OR56A3: variants seen among roughly 807,000 people sequenced by gnomAD.
OR56A3 encodes the protein olfactory receptor 56A3.
OR56A3 carries 23 observed loss-of-function variants against 17.5 expected under a neutral mutation model. The observed-to-expected ratio is 1.32, with a 90% CI of 0.95 to 1.87. The LOEUF (loss-of-function observed/expected upper bound fraction) is 1.87. Ranked by LOEUF, OR56A3 falls within the 40% of genes most tolerant of loss-of-function variation. The probability of loss-of-function intolerance (pLI) is 0.00; values close to 1 mark genes in which losing one functional copy is unlikely to be tolerated. For synonymous variants in OR56A3, 175 were observed against 150.6 expected, an observed-to-expected ratio of 1.16 and a Z score of -1.19; for missense variants, 366 against 380.1, an observed-to-expected ratio of 0.96 and a Z score of 0.31.
the OR56A3 span, chr11:5,967,423 A>T: frequency 1.5e-6 from 1 of 679,378 alleles, no homozygotes; most frequent in Non-Finnish European, 2.5e-6. Flanking sequence ...CCTATAATCA[A>T]TTGAAACACT....
chr11:5,947,256 G>A, intron 2 of OR56A3, 55 bp from the exon 3 acceptor site: 2 of 1,191,224 alleles, frequency 1.7e-6, no homozygotes, highest in South Asian at 1.5e-5. Context: ...CAAACAAATT[G>A]TGCTATCTTT....
At chr11:5,967,674 TC>T in the OR56A3 span, 1 of 1,613,876 alleles carries the variant, frequency 6.2e-7, no homozygotes, top group South Asian at 1.1e-5. Context: ...GATGGGGACA[TC>T]CGGAGGAATT....
At chr11:5,970,202 T>G in the OR56A3 span, among the ~76,000 whole-genome samples, 2 of 152,174 alleles carry the variant, frequency 1.3e-5, no homozygotes, top group African/African-American at 2.4e-5. Context: ...ACATAACATA[T>G]AGTTCAAACC....
At chr11:5,952,974 G>C (rs1329132235), downstream of OR56A3, among the ~76,000 whole-genome samples, 1 of 152,156 alleles carries the variant, frequency 6.6e-6, no homozygotes. Context: ...TTGCTGCAAA[G>C]GACAAGATTT....
the OR56A3 span, among the ~76,000 whole-genome samples, chr11:5,958,398 G>A: frequency 1.3e-5 from 2 of 152,080 alleles, no homozygotes; most frequent in Non-Finnish European, 2.9e-5. Context: ...ATGGAGTAGG[G>A]CTGTTACCTC....
intron 2 of OR56A3, among the ~76,000 whole-genome samples, chr11:5,946,851 A>C (rs1847872865): frequency 6.6e-6 from 1 of 152,250 alleles, no homozygotes; most frequent in African/African-American, 2.4e-5. Context: ...TCATGGGGAC[A>C]TGGGGACTAG....
chr11:6,003,106 C>T, the OR56A3 span: 1 of 1,601,684 alleles, frequency 6.2e-7, no homozygotes, highest in South Asian at 1.1e-5. Flanking sequence ...CCACTGAGGC[C>T]CTGTATCTGT....
the OR56A3 span, among the ~76,000 whole-genome samples, chr11:6,005,236 T>A: frequency 6.6e-6 from 1 of 152,042 alleles, no homozygotes; most frequent in Admixed American, 6.6e-5. Context: ...GGTCAAAAGA[T>A]GCAACAAGCT....
the OR56A3 span, among the ~76,000 whole-genome samples, chr11:5,974,758 C>T: frequency 6.6e-6 from 1 of 152,172 alleles, no homozygotes. Context: ...GGACAAATCA[C>T]TTTACCTCTC....
At chr11:5,971,611 G>A in the OR56A3 span, among the ~76,000 whole-genome samples, 3 of 152,154 alleles carry the variant, frequency 2.0e-5, no homozygotes, top group East Asian at 1.9e-4. Flanking sequence ...GAGAAAAAGC[G>A]GTTAGATACC....
chr11:5,959,829 T>C, the OR56A3 span, among the ~76,000 whole-genome samples: 1 of 152,206 alleles, frequency 6.6e-6, no homozygotes. Flanking sequence ...TAGTTTATTT[T>C]GAGCTGAATT....
chr11:6,017,063 C>T, the OR56A3 span: 1 of 151,844 alleles, frequency 6.6e-6, no homozygotes, highest in Non-Finnish European at 1.5e-5. Flanking sequence ...AGGGTCAGGC[C>T]TGGTTAGTAC....
chr11:5,954,131 CTCTT>C (rs1391554897), downstream of OR56A3, among the ~76,000 whole-genome samples: 1 of 152,162 alleles, frequency 6.6e-6, no homozygotes, highest in Non-Finnish European at 1.5e-5. Flanking sequence ...CCAGAACTAA[CTCTT>C]TAATTGCATT....
At chr11:5,999,062 C>A in the OR56A3 span, among the ~76,000 whole-genome samples, 1 of 152,202 alleles carries the variant, frequency 6.6e-6, no homozygotes, top group East Asian at 1.9e-4. Context: ...CCTCGTGGTG[C>A]ACCCAGACTG....
At chr11:6,002,706 C>G in the OR56A3 span, 1 of 1,614,208 alleles carries the variant, frequency 6.2e-7, no homozygotes, top group Non-Finnish European at 8.5e-7. Context: ...GGCTGGGAAG[C>G]TGATCGACCT....
chr11:5,965,841 C>T, the OR56A3 span, among the ~76,000 whole-genome samples: 37,914 of 151,674 alleles, frequency 0.25, 4,772 homozygotes, highest in Non-Finnish European at 0.27. Flanking sequence ...GCATAATTTT[C>T]CAAATGAAAA....
At chr11:5,986,762 A>G in the OR56A3 span, 5,653 of 1,613,950 alleles carry the variant, frequency 3.5e-3, 160 homozygotes, top group African/African-American at 0.062. Context: ...TTGCCCACTA[A>G]AGCAAGGAGG....
the OR56A3 span, among the ~76,000 whole-genome samples, chr11:6,015,821 A>G: frequency 6.6e-6 from 1 of 152,204 alleles, no homozygotes; most frequent in Non-Finnish European, 1.5e-5. Flanking sequence ...TTACAGGTTC[A>G]TAGGTGGAAG....
the OR56A3 span, chr11:5,993,803 C>A: frequency 7.4e-6 from 2 of 270,000 alleles, no homozygotes; most frequent in Non-Finnish European, 1.5e-5. Flanking sequence ...AACATGTAAC[C>A]AACATTTTTT....
Sources: allele counts gnomAD v4.1 joint callset (sites outside exome capture counted in the v4.1 genomes callset), GRCh38; gene constraint gnomAD v4.1.1; transcripts MANE v1.5; gene names NCBI Gene and HGNC (gene_info 2026-07-23, HGNC 2026-07-21).